HECW1: variants seen among roughly 807,000 people sequenced by gnomAD.
The protein encoded by HECW1 is HECT, C2 and WW domain containing E3 ubiquitin protein ligase 1.
Under a neutral mutation model 182.3 loss-of-function variants are expected in HECW1, and 61 were observed. That is an observed-to-expected ratio of 0.33 (90% confidence interval 0.27 to 0.41). HECW1 has a LOEUF of 0.41. Among genes scored for constraint, HECW1 ranks in the 10% least tolerant of loss-of-function variants. The pLI is 1.00. For missense variants in HECW1, 1,739 were observed against 2,108.9 expected, an observed-to-expected ratio of 0.82 and a Z score of 3.44; for synonymous variants, 859 against 832.6, an observed-to-expected ratio of 1.03 and a Z score of -0.55.
At chr7:43,276,668 G>A (rs1320429626) in intron 3 of HECW1, among the ~76,000 whole-genome samples, 1 of 152,122 alleles carries the variant, frequency 6.6e-6, no homozygotes, top group Non-Finnish European at 1.5e-5. Flanking sequence ...TTAGGCCAAT[G>A]CAGTCTTCCC....
intron 2 of HECW1, among the ~76,000 whole-genome samples, chr7:43,193,214 T>C (rs1199989224): frequency 6.6e-6 from 1 of 152,198 alleles, no homozygotes; most frequent in Non-Finnish European, 1.5e-5. Flanking sequence ...AGAATTTGCA[T>C]TTGTAGCCAT....
At position 43,561,846 on chromosome 7, in the gene HECW1, C is replaced by T. The variant is rs2082217705; in HGVS notation, c.4741C>T (p.Pro1581Ser). 1 of 1,613,964 alleles carries T rather than the reference C, an allele frequency of 6.2e-7. No homozygotes were observed. The highest frequency in any genetic ancestry group is 8.5e-7 in the Non-Finnish European group (1 of 1,179,856). ...AHTCFNRLDLPPYPSYSMLYE... is the reference protein window; with the variant it reads ...AHTCFNRLDLSPYPSYSMLYE... ...CACATGCTTCAACCGACTGGATCTT[C>T]CACCGTATCCCTCGTACTCCATGTT... The change falls in exon 30 of 30, where the codon CCA (proline) becomes TCA (serine). Residue 1581 changes from proline to serine, a missense_variant. Physicochemically the swap from Pro to Ser is moderately conservative, Grantham distance 74 (BLOSUM62 -1). This residue lies in a region of HECW1 where 420 missense variants were observed against 595.7 expected (regional missense o/e 0.71). Coordinates refer to ENST00000395891, the MANE Select transcript of HECW1 (RefSeq NM_015052.5).
chr7:43,479,586 T>C, intron 16 of HECW1, 24 bp from the exon 17 acceptor site: 3 of 1,613,148 alleles, frequency 1.9e-6, no homozygotes, highest in Non-Finnish European at 2.5e-6. Context: ...CACACGGTGC[T>C]TTTTTTCACT....
chr7:43,483,512 C>G (rs1163239051), intron 17 of HECW1, among the ~76,000 whole-genome samples: 1 of 151,132 alleles, frequency 6.6e-6, no homozygotes, highest in East Asian at 1.9e-4. Context: ...TTCAGGACCA[C>G]AGCTCAGGTT....
intron 3 of HECW1, among the ~76,000 whole-genome samples, chr7:43,308,740 A>G (rs1808116429): frequency 6.6e-6 from 1 of 150,440 alleles, no homozygotes; most frequent in Non-Finnish European, 1.5e-5. Flanking sequence ...TCCTGCCTCA[A>G]CCTCCCAAGT....
chr7:43,196,649 G>C (rs1438385314), intron 2 of HECW1, among the ~76,000 whole-genome samples: 1 of 152,180 alleles, frequency 6.6e-6, no homozygotes, highest in Admixed American at 6.5e-5. Flanking sequence ...TGACCTGAGC[G>C]GGAGATGGGC....
intron 2 of HECW1, among the ~76,000 whole-genome samples, chr7:43,130,483 G>A (rs1394953605): frequency 6.6e-6 from 1 of 152,162 alleles, no homozygotes; most frequent in Non-Finnish European, 1.5e-5. Flanking sequence ...GTCTGTGGGT[G>A]TTTGACATCA....
At chr7:43,268,515 G>T (rs1197109878) in intron 3 of HECW1, among the ~76,000 whole-genome samples, 2 of 152,226 alleles carry the variant, frequency 1.3e-5, no homozygotes, top group Non-Finnish European at 2.9e-5. Flanking sequence ...GGACCTAGTG[G>T]GCAGAGGCCG....
At chr7:43,319,244 G>A (rs1044226645) in intron 4 of HECW1, among the ~76,000 whole-genome samples, 2 of 151,346 alleles carry the variant, frequency 1.3e-5, no homozygotes, top group East Asian at 2.0e-4. Context: ...AAAATTAGCC[G>A]GGCGCGGTGG....
chr7:43,261,016 T>C (rs1036952132), intron 3 of HECW1, among the ~76,000 whole-genome samples: 10 of 152,296 alleles, frequency 6.6e-5, no homozygotes, highest in Middle Eastern at 6.8e-3. Context: ...AAGAAATTAA[T>C]TAACTTGCCC....
intron 17 of HECW1, among the ~76,000 whole-genome samples, chr7:43,484,946 G>A (rs566781406): frequency 3.1e-4 from 47 of 152,282 alleles, no homozygotes; most frequent in Admixed American, 7.8e-4. Flanking sequence ...AGGAAATCAC[G>A]AAAGGGTAAC....
At chr7:43,255,569 C>G (rs1158059254) in intron 3 of HECW1, among the ~76,000 whole-genome samples, 2 of 150,572 alleles carry the variant, frequency 1.3e-5, no homozygotes, top group Non-Finnish European at 2.9e-5. Context: ...TGCACTCCAG[C>G]CTGGGTGACA....
intron 3 of HECW1, among the ~76,000 whole-genome samples, chr7:43,265,717 G>A (rs1000507398): frequency 1.3e-5 from 2 of 152,082 alleles, no homozygotes; most frequent in African/African-American, 4.8e-5. Flanking sequence ...AATCCTACAG[G>A]TTAAAGGCAC....
chr7:43,393,788 T>C (rs1347786545), intron 6 of HECW1, among the ~76,000 whole-genome samples: 1 of 151,986 alleles, frequency 6.6e-6, no homozygotes, highest in Non-Finnish European at 1.5e-5. Flanking sequence ...AGAACCAAAA[T>C]ATGTATGCTT....
At chr7:43,504,574 C>T (rs1335173675) in intron 21 of HECW1, among the ~76,000 whole-genome samples, 2 of 152,332 alleles carry the variant, frequency 1.3e-5, no homozygotes, top group East Asian at 1.9e-4. Context: ...TCTGCTTCCC[C>T]CACTTCTGCA....
At chr7:43,274,516 G>T (rs1312034163) in intron 3 of HECW1, 2 of 594,950 alleles carry the variant, frequency 3.4e-6, no homozygotes, top group East Asian at 7.1e-5. Context: ...GAAGGTGGAG[G>T]AGATCGCAGC....
chr7:43,259,422 G>A (rs2152732053), intron 3 of HECW1, among the ~76,000 whole-genome samples: 1 of 151,564 alleles, frequency 6.6e-6, no homozygotes, highest in South Asian at 2.1e-4. Context: ...AATTTTTAGA[G>A]TTATAAAACA....
At chr7:43,270,111 G>T (rs181615805) in intron 3 of HECW1, among the ~76,000 whole-genome samples, 1 of 152,192 alleles carries the variant, frequency 6.6e-6, no homozygotes, top group East Asian at 1.9e-4. Context: ...TTGAAATTCT[G>T]TGTGTTATCT....
At chr7:43,223,251 C>A (rs1034331931) in intron 2 of HECW1, among the ~76,000 whole-genome samples, 1 of 152,184 alleles carries the variant, frequency 6.6e-6, no homozygotes, top group East Asian at 1.9e-4. Flanking sequence ...TCTCACCAGA[C>A]CTATTGCAAA....
Sources: allele counts gnomAD v4.1 joint callset (sites outside exome capture counted in the v4.1 genomes callset), GRCh38; gene constraint gnomAD v4.1.1; regional missense constraint gnomAD v4.1.1; transcripts MANE v1.5; gene names NCBI Gene and HGNC (gene_info 2026-07-23, HGNC 2026-07-21).